DUSP29: variants seen among roughly 807,000 people sequenced by gnomAD.
DUSP29 encodes the protein atypical dual-specific protein phosphatase.
DUSP29 carries 12 observed loss-of-function variants against 13.5 expected under a neutral mutation model. The ratio of observed to expected loss-of-function variants is 0.89; its 90% CI spans 0.57 to 1.44. The LOEUF is 1.44. Ranked by LOEUF, DUSP29 falls within the 40% of genes most tolerant of loss-of-function variation. DUSP29 has a pLI of 0.00. For missense variants in DUSP29, 308 were observed against 301.1 expected, an observed-to-expected ratio of 1.02 and a Z score of -0.17; for synonymous variants, 134 against 128.7, an observed-to-expected ratio of 1.04 and a Z score of -0.28.
intron 2 of DUSP29, among the ~76,000 whole-genome samples, chr10:75,047,222 GA>G (rs1055232603): frequency 7.2e-5 from 11 of 152,164 alleles, no homozygotes; most frequent in African/African-American, 2.7e-4. Flanking sequence ...TCACTCTGGG[GA>G]CTTCCCCCAG....
intron 1 of DUSP29, among the ~76,000 whole-genome samples, chr10:75,059,240 A>G (rs571161623): frequency 1.3e-5 from 2 of 152,288 alleles, no homozygotes; most frequent in Admixed American, 1.3e-4. Flanking sequence ...GTGCCTCGAG[A>G]CTGAAATGTG....
At chr10:75,052,603 G>A (rs957555061) in intron 2 of DUSP29, among the ~76,000 whole-genome samples, 3 of 152,216 alleles carry the variant, frequency 2.0e-5, no homozygotes, top group South Asian at 2.1e-4. Context: ...CAACGCGCCC[G>A]GCCATCCCCG....
At chr10:75,043,761 G>A in intron 3 of DUSP29, 36 bp downstream of exon 3, 2 of 1,564,598 alleles carry the variant, frequency 1.3e-6, no homozygotes, top group Non-Finnish European at 1.7e-6. Flanking sequence ...GCGGGGCGGG[G>A]CGGGGCCGAT....
intron 3 of DUSP29, among the ~76,000 whole-genome samples, chr10:75,039,639 G>A (rs772209044): frequency 5.3e-5 from 8 of 152,168 alleles, no homozygotes; most frequent in Non-Finnish European, 7.3e-5. Context: ...CCTGCACCAC[G>A]CTCCGCCCCG....
At chr10:75,060,377 G>A (rs1395012139) in intron 1 of DUSP29, among the ~76,000 whole-genome samples, 2 of 151,812 alleles carry the variant, frequency 1.3e-5, no homozygotes, top group Non-Finnish European at 2.9e-5. Flanking sequence ...GGCTGAGGCT[G>A]AGGTGGGAGG....
At chr10:75,039,622 C>T (rs1346762175) in intron 3 of DUSP29, among the ~76,000 whole-genome samples, 1 of 152,190 alleles carries the variant, frequency 6.6e-6, no homozygotes, top group Non-Finnish European at 1.5e-5. Flanking sequence ...TAGGCTAAGA[C>T]TGTTACCCTG....
At position 75,058,309 on chromosome 10, in the gene DUSP29, A is replaced by G. The variant is rs753461470; in HGVS notation, c.200+6T>C. The G allele has an allele frequency of 1.2e-6, 2 of 1,608,830 alleles. No individual in the cohort carries two copies. Among genetic ancestry groups the G allele is most frequent in the Non-Finnish European group, 1.7e-6 (2 of 1,176,332 alleles). Reference sequence around the variant, plus strand: ...CTCCCAAGCGAGCCTGGGCCTGGGCACTTACTCATCGCCAATGTAGAGCTT... The same window carrying G: ...CTCCCAAGCGAGCCTGGGCCTGGGCGCTTACTCATCGCCAATGTAGAGCTT... On this transcript the variant is annotated splice_donor_region_variant and intron_variant, in intron 2 of 3. Coordinates refer to ENST00000338487, the MANE Select transcript of DUSP29 (RefSeq NM_001003892.3).
At chr10:75,043,043 A>T (rs1385480157) in intron 3 of DUSP29, among the ~76,000 whole-genome samples, 1 of 152,268 alleles carries the variant, frequency 6.6e-6, no homozygotes, top group Non-Finnish European at 1.5e-5. Context: ...GGTAGCCAAC[A>T]GTGCATTCTG....
chr10:75,059,009 A>G (rs1224937201), intron 1 of DUSP29, among the ~76,000 whole-genome samples: 2 of 152,184 alleles, frequency 1.3e-5, no homozygotes, highest in Non-Finnish European at 2.9e-5. Flanking sequence ...CAGCCAGTGG[A>G]AAGAGTACAT....
chr10:75,039,635 C>T (rs1157081399), intron 3 of DUSP29, among the ~76,000 whole-genome samples: 1 of 152,210 alleles, frequency 6.6e-6, no homozygotes, highest in Non-Finnish European at 1.5e-5. Context: ...TTACCCTGCA[C>T]CACGCTCCGC....
intron 2 of DUSP29, among the ~76,000 whole-genome samples, chr10:75,045,957 G>C (rs56042827): frequency 0.094 from 14,284 of 151,746 alleles, 1,552 homozygotes; most frequent in African/African-American, 0.27. Flanking sequence ...CAAGATATAA[G>C]GGAAAAAAAT....
chr10:75,060,222 C>T (rs1847057550), intron 1 of DUSP29, among the ~76,000 whole-genome samples: 1 of 152,082 alleles, frequency 6.6e-6, no homozygotes, highest in Non-Finnish European at 1.5e-5. Context: ...GTAATCCCAG[C>T]ACTCTGGGAG....
At chr10:75,040,497 G>A (rs898774185) in intron 3 of DUSP29, among the ~76,000 whole-genome samples, 5 of 152,238 alleles carry the variant, frequency 3.3e-5, no homozygotes, top group African/African-American at 4.8e-5. Context: ...GGGTTCCTGT[G>A]ACAGTATTTT....
At chr10:75,063,752 C>T (rs569733806) in intron 1 of DUSP29, among the ~76,000 whole-genome samples, 51 of 152,036 alleles carry the variant, frequency 3.4e-4, no homozygotes, top group African/African-American at 1.1e-3. Flanking sequence ...TCAGAGTGTG[C>T]TTTTAAAGGA....
intron 2 of DUSP29, among the ~76,000 whole-genome samples, chr10:75,050,411 G>A (rs554773175): frequency 2.0e-5 from 3 of 152,228 alleles, no homozygotes; most frequent in Admixed American, 6.5e-5. Flanking sequence ...ACAACACTTG[G>A]TTAACCTAAT....
intron 2 of DUSP29, among the ~76,000 whole-genome samples, chr10:75,053,523 A>G (rs994392646): frequency 6.6e-6 from 1 of 152,186 alleles, no homozygotes; most frequent in Non-Finnish European, 1.5e-5. Context: ...AGAGAGGTAA[A>G]ATAATTTGTC....
At chr10:75,049,061 T>C (rs938619190) in intron 2 of DUSP29, among the ~76,000 whole-genome samples, 2 of 152,234 alleles carry the variant, frequency 1.3e-5, no homozygotes, top group Admixed American at 1.3e-4. Context: ...TGGAAAGATT[T>C]ATGTCAGAAT....
chr10:75,038,564 G>A (rs944937269), intron 3 of DUSP29, among the ~76,000 whole-genome samples: 8 of 152,156 alleles, frequency 5.3e-5, no homozygotes, highest in African/African-American at 1.2e-4. Flanking sequence ...TAACCAAAGC[G>A]TTTCTTCCTC....
intron 1 of DUSP29, among the ~76,000 whole-genome samples, chr10:75,066,997 G>A (rs141545491): frequency 0.02 from 2,694 of 138,032 alleles, 91 homozygotes; most frequent in African/African-American, 0.071. Flanking sequence ...TTACTCTGTC[G>A]CTCAGGCTGG....
Sources: gnomAD v4.1 joint callset for allele counts (sites outside exome capture counted in the v4.1 genomes callset) on GRCh38, gnomAD v4.1.1 for gene constraint, MANE v1.5 for transcripts, NCBI Gene and HGNC (gene_info 2026-07-23, HGNC 2026-07-21) for gene names.